The following HOMER3 variants were observed in gnomAD, a reference collection of about 807,000 sequenced individuals.
HOMER3 encodes the protein homer protein homolog 3.
Under a neutral mutation model 45.5 loss-of-function variants are expected in HOMER3, and 34 were observed. The observed-to-expected ratio is 0.75, with a 90% confidence interval of 0.57 to 1.00. The LOEUF is 1.00. Among genes scored for constraint, HOMER3 ranks in the 50% least tolerant of loss-of-function variants. The pLI, the probability that HOMER3 is intolerant of heterozygous loss-of-function variation, is 0.00. For synonymous variants in HOMER3, 223 were observed against 208.8 expected, an observed-to-expected ratio of 1.07 and a Z score of -0.58; for missense variants, 480 against 497.5, an observed-to-expected ratio of 0.96 and a Z score of 0.33.
Position 18,929,608 on chromosome 19 carries a change from C to A in HOMER3, c.921G>T (p.Leu307Phe). The A allele has an allele frequency of 6.5e-7, 1 of 1,532,194 alleles. No homozygotes were observed. The highest frequency in any genetic ancestry group is 2.4e-5 in the East Asian group (1 of 40,846). 94.9% of individuals were successfully genotyped at this position (1,532,194 alleles called of 1,614,324 possible). A position where few individuals can be genotyped will look rare whatever the true frequency, so the allele number is the denominator to read the frequency against. ...GCTCCATCGCCCGCAGCTGGTGCTC[C>A]AACTCCGCATTGCGGGTCTCCAGGT... ...VQDLETRNAE[L>F]EHQLRAMERS... The change falls in exon 10 of 10, where the codon TTG (leucine) becomes TTT (phenylalanine). Residue 307 changes from leucine (L) to phenylalanine (F), a missense_variant. Physicochemically the swap from Leu to Phe is conservative, Grantham distance 22. Transcript: ENST00000392351.
chr19:18,933,675 C>G (rs941203896), intron 5 of HOMER3, among the ~76,000 whole-genome samples: 3 of 152,032 alleles, frequency 2.0e-5, no homozygotes, highest in Non-Finnish European at 4.4e-5. Flanking sequence ...AGGGACAGTT[C>G]GTTGTTCTGC....
chr19:18,936,956 G>A (rs572506734), intron 4 of HOMER3, among the ~76,000 whole-genome samples: 103 of 150,488 alleles, frequency 6.8e-4, no homozygotes, highest in Middle Eastern at 3.4e-3. Context: ...AGCCAAGATC[G>A]CGCCACTGCA....
intron 3 of HOMER3, 92 bp from the exon 4 acceptor site, chr19:18,938,576 G>T (rs1419458683): frequency 5.9e-6 from 9 of 1,522,508 alleles, no homozygotes; most frequent in African/African-American, 1.4e-5. Flanking sequence ...GGTCTTGAAG[G>T]TCTTTACTCT....
At chr19:18,937,477 G>A (rs901051576) in intron 4 of HOMER3, among the ~76,000 whole-genome samples, 6 of 151,746 alleles carry the variant, frequency 4.0e-5, no homozygotes, top group Non-Finnish European at 5.9e-5. Flanking sequence ...AGGAGTTCAA[G>A]ACCACCCTGG....
chr19:18,932,902 G>GCCCCCC, intron 6 of HOMER3, 22 bp downstream of exon 6: 1 of 263,414 alleles, frequency 3.8e-6, no homozygotes, highest in Non-Finnish European at 6.5e-6. Context: ...CCCCTGCCAC[G>GCCCCCC]CCCCCAAGTC....
At chr19:18,929,789 C>T (rs1372917469) in intron 9 of HOMER3, among the ~76,000 whole-genome samples, 155 bp from the exon 10 acceptor site, 1 of 152,206 alleles carries the variant, frequency 6.6e-6, no homozygotes, top group East Asian at 1.9e-4. Flanking sequence ...CCACAGGGGC[C>T]TAGCTTCTGC....
At position 18,932,919 on chromosome 19, in the gene HOMER3, C is replaced by T. The variant is rs1454880377; in HGVS notation, c.533+5G>A. The T allele has an allele frequency of 8.6e-6, 12 of 1,392,184 alleles. No homozygotes were observed. Among genetic ancestry groups the T allele is most frequent in the East Asian group, 2.8e-5 (1 of 35,898 alleles). 86.2% of individuals were successfully genotyped at this position (1,392,184 alleles called of 1,614,324 possible). ...CCTGCCACGCCCCCAAGTCCCGCCC[C>T]TCACCCCTCAGACAACATCTTCTTT... On this transcript the variant is annotated splice_donor_5th_base_variant and intron_variant, in intron 6 of 9. Coordinates refer to ENST00000392351, the MANE Select transcript of HOMER3 (RefSeq NM_004838.4).
chr19:18,930,800 G>A (rs757529025), intron 9 of HOMER3, among the ~76,000 whole-genome samples: 7 of 151,968 alleles, frequency 4.6e-5, no homozygotes, highest in Non-Finnish European at 1.0e-4. Flanking sequence ...ATGAGATCAG[G>A]AGTTGAGACC....
At chr19:18,936,010 C>T (rs1568339896) in intron 4 of HOMER3, among the ~76,000 whole-genome samples, 2 of 147,922 alleles carry the variant, frequency 1.4e-5, no homozygotes, top group Non-Finnish European at 3.0e-5. Context: ...CAGAGCAAAA[C>T]TCTGTCTCAA....
chr19:18,938,848 G>A lies in HOMER3; in HGVS notation c.51C>T (p.Phe17=), dbSNP rs777800588. The part of the protein sequence containing the change: ...QPIFSTRAHV[F]QIDPATKRNW... ...TTCGCTTGGTGGCTGGGTCAATTTGGAACACGTGCGCCCGTGTGCTGAAGA... is the reference window on the plus strand; with the variant it reads ...TTCGCTTGGTGGCTGGGTCAATTTGAAACACGTGCGCCCGTGTGCTGAAGA... The change falls in exon 3 of 10, where the codon TTC becomes TTT. Residue 17 remains phenylalanine (F), a synonymous_variant. Coordinates refer to ENST00000392351, the MANE Select transcript of HOMER3 (RefSeq NM_004838.4). 1 of 1,602,228 alleles carries A rather than the reference G, an allele frequency of 6.2e-7. No individual in the cohort carries two copies. The highest frequency in any genetic ancestry group is 8.5e-7 in the Non-Finnish European group (1 of 1,174,704).
intron 6 of HOMER3, 25 bp from the exon 7 acceptor site, chr19:18,932,157 T>A: frequency 2.6e-6 from 3 of 1,137,618 alleles, no homozygotes; most frequent in Non-Finnish European, 3.3e-6. Context: ...GGGTCGGCAG[T>A]GGGTGACACG....
chr19:18,934,439 A>G, intron 4 of HOMER3, 29 bp from the exon 5 acceptor site: 1 of 1,431,336 alleles, frequency 7.0e-7, no homozygotes, highest in Non-Finnish European at 9.4e-7. Context: ...AAAGACAGTA[A>G]AACCCCAGCC....
At chr19:18,933,080 C>T (rs758121397) in intron 5 of HOMER3, 35 bp from the exon 6 acceptor site, 1 of 1,461,124 alleles carries the variant, frequency 6.8e-7, no homozygotes, top group South Asian at 1.5e-5. Context: ...CACGACCCCA[C>T]ATCAGCTGGG....
chr19:18,932,600 TGAG>T (rs2057048532), intron 6 of HOMER3, among the ~76,000 whole-genome samples: 1 of 150,968 alleles, frequency 6.6e-6, no homozygotes, highest in Non-Finnish European at 1.5e-5. Context: ...GTGGGAATGT[TGAG>T]GGAGGGATGG....
chr19:18,939,270 T>A (rs1239271753), intron 1 of HOMER3: 4 of 404,150 alleles, frequency 9.9e-6, no homozygotes, highest in Admixed American at 4.0e-5. Flanking sequence ...CGAGACCCCA[T>A]CTCTACCAAA....
At chr19:18,935,067 C>T (rs937854210) in intron 4 of HOMER3, among the ~76,000 whole-genome samples, 2 of 151,660 alleles carry the variant, frequency 1.3e-5, no homozygotes, top group Non-Finnish European at 2.9e-5. Context: ...ATCTTAAATT[C>T]CCGGCTTGAA....
intron 8 of HOMER3, 29 bp downstream of exon 8, chr19:18,931,480 G>T: frequency 6.2e-7 from 1 of 1,612,078 alleles, no homozygotes; most frequent in South Asian, 1.1e-5. Context: ...GAGGGAAGGC[G>T]AGGCCCAGGA....
chr19:18,931,795 C>T (rs908179658), intron 7 of HOMER3, among the ~76,000 whole-genome samples, 170 bp from the exon 8 acceptor site: 7 of 152,242 alleles, frequency 4.6e-5, no homozygotes, highest in African/African-American at 1.7e-4. Context: ...TGTCTGATCA[C>T]CCTCTGAGGC....
At chr19:18,940,736 CAGT>C (rs1001088873) in intron 1 of HOMER3, 2 of 152,242 alleles carry the variant, frequency 1.3e-5, no homozygotes, top group African/African-American at 4.8e-5. Context: ...GCCACCCCTC[CAGT>C]CCCTGGGTCC....
Sources: allele counts gnomAD v4.1 joint callset (sites outside exome capture counted in the v4.1 genomes callset), GRCh38; gene constraint gnomAD v4.1.1; transcripts MANE v1.5; gene names NCBI Gene and HGNC (gene_info 2026-07-23, HGNC 2026-07-21).